The following SLC25A12 variants were observed in gnomAD, a reference collection of about 807,000 sequenced individuals.
SLC25A12 encodes the protein electrogenic aspartate/glutamate antiporter SLC25A12, mitochondrial.
SLC25A12 carries 32 observed loss-of-function variants against 83.3 expected under a neutral mutation model. The observed-to-expected ratio is 0.38, with a 90% CI of 0.29 to 0.52. SLC25A12 has a LOEUF of 0.52. Among genes scored for constraint, SLC25A12 ranks in the 20% least tolerant of loss-of-function variants. The pLI, the probability that SLC25A12 is intolerant of heterozygous loss-of-function variation, is 0.84. For synonymous variants in SLC25A12, 267 were observed against 291.1 expected (o/e 0.92, Z 0.84); for missense variants, 611 against 835.6 (o/e 0.73, Z 3.31).
At chr2:171,840,043 A>C (rs1324909393) in intron 5 of SLC25A12, among the ~76,000 whole-genome samples, 1 of 152,194 alleles carries the variant, frequency 6.6e-6, no homozygotes, top group Non-Finnish European at 1.5e-5. Context: ...AAAGGTAGTA[A>C]ACTGAAAGTC....
At chr2:171,834,959 T>G in intron 6 of SLC25A12, 94 bp from the exon 7 acceptor site, 5 of 1,327,090 alleles carry the variant, frequency 3.8e-6, no homozygotes, top group Non-Finnish European at 5.3e-6. Flanking sequence ...TCCAAAGGAG[T>G]CTTCACTGTT....
At chr2:171,808,503 G>T (rs1683882045) in intron 13 of SLC25A12, among the ~76,000 whole-genome samples, 1 of 152,190 alleles carries the variant, frequency 6.6e-6, no homozygotes, top group Non-Finnish European at 1.5e-5. Context: ...CTATACCTAA[G>T]ATATAAGGGC....
intron 13 of SLC25A12, among the ~76,000 whole-genome samples, chr2:171,795,800 C>T (rs1051191485): frequency 6.6e-6 from 1 of 150,670 alleles, no homozygotes; most frequent in Non-Finnish European, 1.5e-5. Context: ...GCTGCCTCCT[C>T]CTCTTCCTTC....
chr2:171,894,132 T>G (rs1686001264), intron 1 of SLC25A12, 71 bp downstream of exon 1: 2 of 1,555,562 alleles, frequency 1.3e-6, no homozygotes, highest in East Asian at 2.4e-5. Context: ...TGGGAAGCAG[T>G]GGGGGGCTGC....
At chr2:171,831,893 T>C (rs968414920) in intron 8 of SLC25A12, among the ~76,000 whole-genome samples, 27 of 101,554 alleles carry the variant, frequency 2.7e-4, no homozygotes, top group South Asian at 9.1e-4. Context: ...AGCAAGACTC[T>C]GTCTCAAAAA....
chr2:171,838,364 C>G (rs1351500230), intron 5 of SLC25A12, among the ~76,000 whole-genome samples: 1 of 152,138 alleles, frequency 6.6e-6, no homozygotes, highest in Non-Finnish European at 1.5e-5. Flanking sequence ...CTTCACCCTT[C>G]AAATGAAGTG....
At chr2:171,802,971 G>A (rs900112663) in intron 13 of SLC25A12, among the ~76,000 whole-genome samples, 1 of 152,030 alleles carries the variant, frequency 6.6e-6, no homozygotes, top group African/African-American at 2.4e-5. Flanking sequence ...AAAAGTGTGT[G>A]TGTGTGTGTG....
intron 9 of SLC25A12, among the ~76,000 whole-genome samples, chr2:171,823,217 A>G (rs911901654): frequency 1.3e-5 from 2 of 152,208 alleles, no homozygotes; most frequent in African/African-American, 4.8e-5. Context: ...TTTTCATATT[A>G]TTCTACTTGA....
intron 13 of SLC25A12, among the ~76,000 whole-genome samples, chr2:171,805,926 T>C (rs1045174316): frequency 6.6e-6 from 1 of 151,498 alleles, no homozygotes; most frequent in Non-Finnish European, 1.5e-5. Flanking sequence ...CTGGGCAACA[T>C]GATGAAACCC....
intron 13 of SLC25A12, among the ~76,000 whole-genome samples, chr2:171,797,161 A>C (rs1683614651): frequency 6.6e-6 from 1 of 151,890 alleles, no homozygotes; most frequent in Non-Finnish European, 1.5e-5. Context: ...GAATTTCATA[A>C]ATACAGTAAC....
intron 4 of SLC25A12, among the ~76,000 whole-genome samples, chr2:171,853,636 ACG>A (rs1684981370): frequency 6.6e-6 from 1 of 152,032 alleles, no homozygotes; most frequent in South Asian, 2.1e-4. Context: ...AGCCAAGATC[ACG>A]CCACTGCACT....
At chr2:171,835,797 C>T (rs1684542259) in intron 6 of SLC25A12, among the ~76,000 whole-genome samples, 1 of 151,416 alleles carries the variant, frequency 6.6e-6, no homozygotes, top group Non-Finnish European at 1.5e-5. Context: ...ACCCCACCAC[C>T]CCTCACACAC....
intron 13 of SLC25A12, among the ~76,000 whole-genome samples, chr2:171,806,490 TAAAAC>T (rs1408711140): frequency 6.6e-6 from 1 of 151,856 alleles, no homozygotes; most frequent in African/African-American, 2.4e-5. Context: ...AACCAGATAA[TAAAAC>T]AAAACATACA....
At chr2:171,841,672 C>A (rs780182129) in intron 5 of SLC25A12, among the ~76,000 whole-genome samples, 1 of 152,144 alleles carries the variant, frequency 6.6e-6, no homozygotes, top group African/African-American at 2.4e-5. Flanking sequence ...TGCCCTCAGC[C>A]GGAACAAGAG....
intron 13 of SLC25A12, among the ~76,000 whole-genome samples, chr2:171,795,685 T>C (rs1683581510): frequency 6.6e-6 from 1 of 152,194 alleles, no homozygotes; most frequent in Admixed American, 6.6e-5. Context: ...GTGGACATTA[T>C]GTTTAAATAA....
chr2:171,785,247 A>G lies in SLC25A12; in HGVS notation c.*27T>C, dbSNP rs2105829279. ...CCTAGGCCTCTTTCTTCAAGGCGCCATTTTGCCACACTCAACAGTTGTCTC... is the reference window on the plus strand; with the variant it reads ...CCTAGGCCTCTTTCTTCAAGGCGCCGTTTTGCCACACTCAACAGTTGTCTC... On this transcript the variant is annotated 3_prime_UTR_variant, in exon 18 of 18. Transcript: ENST00000422440. 2.5e-6 allele frequency: 4 copies of G among 1,612,508 alleles called. No homozygotes were observed. The highest frequency in any genetic ancestry group is 2.5e-6 in the Non-Finnish European group (3 of 1,178,780).
At chr2:171,839,505 T>A (rs144437355) in intron 5 of SLC25A12, among the ~76,000 whole-genome samples, 103 of 152,222 alleles carry the variant, frequency 6.8e-4, no homozygotes, top group Middle Eastern at 3.4e-3. Context: ...AATTATGAGA[T>A]GAAAATTAGC....
chr2:171,848,478 G>T (rs1335604017), intron 4 of SLC25A12, among the ~76,000 whole-genome samples: 2 of 152,182 alleles, frequency 1.3e-5, no homozygotes, highest in African/African-American at 4.8e-5. Flanking sequence ...AGTCAGAGAG[G>T]TTTTTAGGAC....
chr2:171,875,910 C>CAAAAAA (rs34276775), intron 2 of SLC25A12, among the ~76,000 whole-genome samples: 6 of 98,932 alleles, frequency 6.1e-5, no homozygotes, highest in Non-Finnish European at 1.1e-4. Flanking sequence ...GACTCTGTCT[C>CAAAAAA]AAAAAAAAAA....
Sources: allele counts gnomAD v4.1 joint callset (sites outside exome capture counted in the v4.1 genomes callset), GRCh38; gene constraint gnomAD v4.1.1; transcripts MANE v1.5; gene names NCBI Gene and HGNC (gene_info 2026-07-23, HGNC 2026-07-21).